The following NEBL variants were observed in gnomAD, a reference collection of about 807,000 sequenced individuals.
NEBL encodes LIM and SH3 protein 2.
A neutral mutation model predicts 140.2 loss-of-function variants in NEBL; 122 were observed. The ratio of observed to expected loss-of-function variants is 0.87; its 90% CI spans 0.75 to 1.01. The LOEUF (loss-of-function observed/expected upper bound fraction) is 1.01. Ranked by LOEUF, NEBL falls within the 50% of genes least tolerant of loss-of-function variation. The probability of loss-of-function intolerance (pLI) is 0.00; values close to 1 mark genes in which losing one functional copy is unlikely to be tolerated. For synonymous variants in NEBL, 436 were observed against 398.9 expected (o/e 1.09, Z -1.11); for missense variants, 1,365 against 1,231.3 (o/e 1.11, Z -1.62).
intron 2 of NEBL, among the ~76,000 whole-genome samples, chr10:21,085,300 A>G (rs529158443): frequency 2.6e-5 from 4 of 152,154 alleles, no homozygotes; most frequent in Admixed American, 1.3e-4. Context: ...AATTTTTCCA[A>G]TTGTGCATTT....
chr10:21,144,560 G>T (rs903641795), intron 2 of NEBL, among the ~76,000 whole-genome samples: 3 of 151,974 alleles, frequency 2.0e-5, no homozygotes, highest in Non-Finnish European at 4.4e-5. Context: ...ACCTTGTCTG[G>T]ACTAAAAATA....
rs763053209 is a variant in NEBL, at chr10:20,797,973, G to A, written c.2761+10537C>T. The stretch of plus-strand genomic sequence containing the variant: ...AAAATACTCACCAGGCATGGTGGAG[G>A]ATGCCTGTCCTCCCAGTGATTCCAG... On this transcript the variant is annotated intron_variant, in intron 26 of 27. Coordinates refer to ENST00000377122, the MANE Select transcript of NEBL (RefSeq NM_006393.3). Among the ~76,000 whole-genome samples, 70 of 151,950 alleles carry A rather than the reference G, an allele frequency of 4.6e-4. 1 individual carries two copies. Among genetic ancestry groups the A allele is most frequent in the South Asian group, 8.3e-4 (4 of 4,822 alleles).
intron 3 of NEBL, among the ~76,000 whole-genome samples, chr10:21,017,470 G>C (rs187875270): frequency 2.0e-5 from 3 of 152,182 alleles, no homozygotes; most frequent in Admixed American, 6.5e-5. Context: ...CAGATCTTTG[G>C]ACATCTCGCC....
rs569855110 is a variant in NEBL at position 20,785,702 on chromosome 10, G to T, written c.*45C>A. The T allele has an allele frequency of 1.1e-5, 17 of 1,589,150 alleles. No individual in the cohort carries two copies. The African/African-American group carries it at 2.2e-4, about 20-fold the overall frequency. On this transcript the variant is annotated 3_prime_UTR_variant, in exon 28 of 28. Coordinates refer to ENST00000377122, the MANE Select transcript of NEBL (RefSeq NM_006393.3). ...ATCTTCTATCTTTTAAAAAGATTAGGTTTGGGATACATTAGAATAAAGCTC... is the reference window on the plus strand; with the variant it reads ...ATCTTCTATCTTTTAAAAAGATTAGTTTTGGGATACATTAGAATAAAGCTC...
intron 1 of NEBL, among the ~76,000 whole-genome samples, chr10:21,270,180 T>C (rs934660394): frequency 1.3e-5 from 2 of 152,168 alleles, no homozygotes; most frequent in Non-Finnish European, 2.9e-5. Context: ...TCCCCTACAG[T>C]TTCTGTCATC....
chr10:20,897,022 T>C lies in NEBL; in HGVS notation c.89A>G (p.Tyr30Cys), dbSNP rs771628674. 2 of 1,613,686 alleles carry C rather than the reference T, an allele frequency of 1.2e-6. No individual in the cohort carries two copies. The highest frequency in any genetic ancestry group is 1.1e-5 in the South Asian group (1 of 91,028). The change falls in exon 2 of 28, where the codon TAT becomes TGT. Residue 30 changes from tyrosine to cysteine, a missense_variant. Physicochemically the swap from Tyr to Cys is radical, Grantham distance 194. Around this residue, in one of 2 missense-constraint regions of NEBL, gnomAD observed 1,323 missense variants for 1,154.8 expected, o/e 1.15. Transcript: ENST00000377122. ...GCTTAAGTCTTCAATAACAGGCTTATAGAAGACCTATTTGAAAAAAAAGAA... is the reference window on the plus strand; with the variant it reads ...GCTTAAGTCTTCAATAACAGGCTTACAGAAGACCTATTTGAAAAAAAAGAA... ...EEENEEDQVFYKPVIEDLSME... is the reference protein window; with the variant it reads ...EEENEEDQVFCKPVIEDLSME...
At chr10:20,978,443 G>T (rs115550513) in intron 3 of NEBL, among the ~76,000 whole-genome samples, 1 of 149,202 alleles carries the variant, frequency 6.7e-6, no homozygotes, top group South Asian at 2.1e-4. Context: ...AAAAAAAAAC[G>T]AGTTATTTGA....
At chr10:21,028,870 T>C (rs960847686) in intron 2 of NEBL, 2 of 340,418 alleles carry the variant, frequency 5.9e-6, no homozygotes, top group African/African-American at 4.3e-5. Context: ...ATCATAAAAA[T>C]GTAAATAGGC....
intron 4 of NEBL, among the ~76,000 whole-genome samples, chr10:20,939,478 A>T (rs1322355826): frequency 1.3e-5 from 2 of 152,210 alleles, no homozygotes; most frequent in Non-Finnish European, 2.9e-5. Context: ...CACTGCAAAA[A>T]CATGCCAAAT....
chr10:20,873,947 G>C (rs1845230349), intron 5 of NEBL, among the ~76,000 whole-genome samples: 1 of 151,956 alleles, frequency 6.6e-6, no homozygotes, highest in Non-Finnish European at 1.5e-5. Context: ...CTATATGTCT[G>C]TCACTGGGCA....
chr10:20,976,347 A>T (rs1429593107), intron 3 of NEBL, among the ~76,000 whole-genome samples: 1 of 151,938 alleles, frequency 6.6e-6, no homozygotes, highest in Non-Finnish European at 1.5e-5. Context: ...TAAAAAAAAA[A>T]AAAAAAAGTT....
rs945189573 is a variant in NEBL at position 20,836,640 on chromosome 10, C to T, written c.1339-1017G>A. Reference sequence around the variant, plus strand: ...CGCTGGGGTGGAGCCACAGAAGTTCCGGCAGTTTGCAAGAGGGAGGAGCCT... The same window carrying T: ...CGCTGGGGTGGAGCCACAGAAGTTCTGGCAGTTTGCAAGAGGGAGGAGCCT... On this transcript the variant is annotated intron_variant, in intron 13 of 27. Coordinates refer to ENST00000377122, the MANE Select transcript of NEBL (RefSeq NM_006393.3). Among the ~76,000 whole-genome samples, 10 of 152,226 alleles carry T rather than the reference C, an allele frequency of 6.6e-5. No homozygotes were observed. The South Asian group carries it at 1.2e-3, about 19-fold the overall frequency.
At chr10:21,233,711 CAT>C (rs1842299660) in intron 3 of NEBL, among the ~76,000 whole-genome samples, 1 of 140,176 alleles carries the variant, frequency 7.1e-6, no homozygotes, top group African/African-American at 2.6e-5. Context: ...TTTATATATG[CAT>C]ATATATGGAT....
intron 2 of NEBL, among the ~76,000 whole-genome samples, chr10:21,035,814 T>C (rs571483373): frequency 1.3e-5 from 2 of 152,132 alleles, no homozygotes; most frequent in Non-Finnish European, 2.9e-5. Context: ...AATGTACATA[T>C]ATACATATAT....
At chr10:21,053,903 C>T (rs551019183) in intron 2 of NEBL, among the ~76,000 whole-genome samples, 212 of 152,116 alleles carry the variant, frequency 1.4e-3, no homozygotes, top group Non-Finnish European at 2.3e-3. Context: ...CATGGTGGTT[C>T]GCACCTGTAA....
chr10:21,073,040 A>G (rs1835890274), intron 2 of NEBL, among the ~76,000 whole-genome samples: 1 of 152,112 alleles, frequency 6.6e-6, no homozygotes, highest in Admixed American at 6.6e-5. Context: ...ACAGGGCTCC[A>G]CCAGTGCCAA....
Position 20,817,502 on chromosome 10 carries a change from A to T in NEBL, c.2148+98T>A, listed in dbSNP as rs1382959218. ...GTTAGTCAAATGAGAACAGGACATC[A>T]GCTCAAGGTTATGAAAATTCTATAA... On this transcript the variant is annotated intron_variant, in intron 21 of 27. Transcript: ENST00000377122. 4 of 1,025,202 alleles carry T rather than the reference A, an allele frequency of 3.9e-6. No individual in the cohort carries two copies. The South Asian group carries it at 5.2e-5, about 13-fold the overall frequency. 63.5% of individuals were successfully genotyped at this position (1,025,202 alleles called of 1,614,324 possible).
intron 3 of NEBL, among the ~76,000 whole-genome samples, chr10:21,187,485 T>C (rs1187511520): frequency 6.6e-6 from 1 of 151,172 alleles, no homozygotes; most frequent in Non-Finnish European, 1.5e-5. Context: ...AATTTATTAT[T>C]ATCATTATTA....
rs75495343 is a variant in NEBL at position 21,060,696 on chromosome 10, C to T, written c.165-40495G>A. ...CTCTTCAAAAACCTCTCTATGCTTG[C>T]CTTCTCTAACTCCTCTGTTTCCATT... On this transcript the variant is annotated intron_variant, in intron 2 of 6. Transcript: ENST00000417816. Among the ~76,000 whole-genome samples, 127 of 152,136 alleles carry T rather than the reference C, an allele frequency of 8.3e-4. 3 individuals carry two copies. The East Asian group carries it at 0.023, about 28-fold the overall frequency.
Sources: allele counts gnomAD v4.1 joint callset (sites outside exome capture counted in the v4.1 genomes callset), GRCh38; gene constraint gnomAD v4.1.1; regional missense constraint gnomAD v4.1.1; transcripts MANE v1.5; gene names NCBI Gene and HGNC (gene_info 2026-07-23, HGNC 2026-07-21).